The following TAGAP variants were observed in gnomAD, a reference collection of about 807,000 sequenced individuals.
The protein encoded by TAGAP is T cell activation RhoGTPase activating protein.
TAGAP carries 16 observed loss-of-function variants against 36.0 expected under a neutral mutation model. The observed-to-expected ratio is 0.44, with a 90% confidence interval of 0.30 to 0.68. TAGAP has a LOEUF of 0.68. Among genes scored for constraint, TAGAP ranks in the 30% least tolerant of loss-of-function variants. TAGAP has a pLI of 0.09. For missense variants in TAGAP, 794 were observed against 921.5 expected, an observed-to-expected ratio of 0.86 and a Z score of 1.79; for synonymous variants, 372 against 377.4, an observed-to-expected ratio of 0.99 and a Z score of 0.17.
chr6:159,036,433 T>C lies in TAGAP; in HGVS notation c.1590A>G (p.Lys530=). Residue 530 remains lysine (K), a synonymous_variant, in exon 10 of 10, where the codon AAA becomes AAG. Transcript: ENST00000367066. The surrounding 1 kb of genome is among the most constrained non-coding windows in gnomAD (Gnocchi z 4.9). ...LTKNLSAGSG[K]SQDFTRDHVP... ...CGTGGTCCCTGGTAAAGTCTTGCGATTTCCCAGAGCCCGCGCTGAGGTTTT... is the reference window on the plus strand; with the variant it reads ...CGTGGTCCCTGGTAAAGTCTTGCGACTTCCCAGAGCCCGCGCTGAGGTTTT... The C allele has an allele frequency of 6.2e-7, 1 of 1,614,190 alleles. No homozygotes were observed. Among genetic ancestry groups the C allele is most frequent in the Non-Finnish European group, 8.5e-7 (1 of 1,180,026 alleles).
In TAGAP at chr6:159,036,608, G is replaced by A. The variant is rs1376358749; in HGVS notation, c.1415C>T (p.Ser472Leu). Residue 472 changes from serine (S) to leucine (L), a missense_variant, in exon 10 of 10, where the codon TCG becomes TTG. Transcript: ENST00000367066. This position sits in a 1 kb window ranked among gnomAD's most constrained non-coding sequence, Gnocchi z 4.9. Reference protein sequence around the residue: ...SSSLDASSDSSPVASPSSPKR... With the variant: ...SSSLDASSDSLPVASPSSPKR... ...GGGACTGGAAGGAGAAGCCACGGGC[G>A]AGCTGTCAGAGGACGCGTCCAGCGA... The A allele has an allele frequency of 1.2e-6, 2 of 1,614,152 alleles. No homozygotes were observed. Among genetic ancestry groups the A allele is most frequent in the Non-Finnish European group, 1.7e-6 (2 of 1,180,006 alleles).
chr6:159,036,778 A>G lies in TAGAP; in HGVS notation c.1245T>C (p.Ser415=), dbSNP rs1039801560. Residue 415 remains serine (S), a synonymous_variant, in exon 10 of 10, where the codon AGT becomes AGC. Transcript: ENST00000367066. The surrounding 1 kb of genome is among the most constrained non-coding windows in gnomAD (Gnocchi z 4.9). ...PVPRVGSRLE[S]EEAEDPFPEE... ...CTGGAAATGGGTCTTCAGCCTCCTC[A>G]CTTTCCAAACGAGAGCCTACCCGGG... 7 of 1,613,966 alleles carry G rather than the reference A, an allele frequency of 4.3e-6. No individual in the cohort carries two copies. The highest frequency in any genetic ancestry group is 5.9e-6 in the Non-Finnish European group (7 of 1,179,956).
chr6:159,040,671 A>G, intron 7 of TAGAP, 52 bp downstream of exon 7: 1 of 1,417,374 alleles, frequency 7.1e-7, no homozygotes, highest in Non-Finnish European at 1.0e-6. Context: ...GTAAAGAATC[A>G]AAAGACGGAG....
In TAGAP at chr6:159,042,111, G is replaced by C. The variant is rs139997029; in HGVS notation, c.282C>G (p.Cys94Trp). 9 of 1,614,024 alleles carry C rather than the reference G, an allele frequency of 5.6e-6. No individual in the cohort carries two copies. The highest frequency in any genetic ancestry group is 7.6e-6 in the Non-Finnish European group (9 of 1,180,018). Residue 94 changes from cysteine (C) to tryptophan (W), a missense_variant, in exon 5 of 10, where the codon TGC (cysteine) becomes TGG (tryptophan). Cys to Trp is a radical substitution (Grantham distance 215). Transcript: ENST00000367066. ...GTCTGGGGAGTGTGTCACTGTCACC[G>C]CAGATAATTGACAAGGGCTGATCAA... Reference protein sequence around the residue: ...SLFDQPLSIICGDSDTLPRPI... With the variant: ...SLFDQPLSIIWGDSDTLPRPI...
intron 7 of TAGAP, among the ~76,000 whole-genome samples, chr6:159,039,778 C>T (rs767739959): frequency 2.6e-5 from 4 of 152,168 alleles, no homozygotes; most frequent in African/African-American, 7.2e-5. Context: ...TCTGAGAAAG[C>T]TTTATGAAGA....
chr6:159,038,642 G>A (rs1201047494), intron 8 of TAGAP, among the ~76,000 whole-genome samples: 2 of 151,958 alleles, frequency 1.3e-5, no homozygotes, highest in African/African-American at 4.8e-5. Context: ...CGCCTGCCTC[G>A]GCCTCCCAAA....
rs1037199979 is a variant in TAGAP at position 159,042,327 on chromosome 6, T to C, written c.149-83A>G. On this transcript the variant is annotated intron_variant, in intron 4 of 9. Coordinates refer to ENST00000367066, the MANE Select transcript of TAGAP (RefSeq NM_054114.5). ...GATCCAGGTAAGAAAATGGGTATCG[T>C]TGGCCGCATAATGTGGTCAATAGTA... The C allele has an allele frequency of 7.1e-5, 109 of 1,537,914 alleles. No individual in the cohort carries two copies. The African/African-American group carries it at 1.4e-3, about 20-fold the overall frequency.
Position 159,035,994 on chromosome 6 carries a change from C to T in TAGAP, c.2029G>A (p.Gly677Arg). 2 of 1,614,046 alleles carry T rather than the reference C, an allele frequency of 1.2e-6. No individual in the cohort carries two copies. Among genetic ancestry groups the T allele is most frequent in the Non-Finnish European group, 1.7e-6 (2 of 1,179,912 alleles). ...CCAGACACGTGCCCCAGAGAGTCCCCAGAAGCATGGACAGTTCTGCTCTGT... is the reference window on the plus strand; with the variant it reads ...CCAGACACGTGCCCCAGAGAGTCCCTAGAAGCATGGACAGTTCTGCTCTGT... Reference protein sequence around the residue: ...WKQSRTVHASGDSLGHVSGPG... With the variant: ...WKQSRTVHASRDSLGHVSGPG... Residue 677 changes from glycine to arginine, a missense_variant, in exon 10 of 10, where the codon GGG (glycine) becomes AGG (arginine). Gly to Arg is a moderately radical substitution (Grantham distance 125). Transcript: ENST00000367066.
At position 159,036,701 on chromosome 6, in the gene TAGAP, T is replaced by A; in HGVS notation, c.1322A>T (p.Lys441Met). ...CGAACCCGGGGCCAAGTTCTTGATC[T>A]TCAGGTCCACCGGCCTCTTGGTTTT... is the stretch of plus-strand genomic sequence containing the variant. Reference protein sequence around the residue: ...QGKTKRPVDLKIKNLAPGSVL... With the variant: ...QGKTKRPVDLMIKNLAPGSVL... The change falls in exon 10 of 10, where the codon AAG becomes ATG. Residue 441 changes from lysine (K) to methionine (M), a missense_variant. Coordinates refer to ENST00000367066, the MANE Select transcript of TAGAP (RefSeq NM_054114.5). This position sits in a 1 kb window ranked among gnomAD's most constrained non-coding sequence, Gnocchi z 4.9. 2 of 1,614,178 alleles carry A rather than the reference T, an allele frequency of 1.2e-6. No individual in the cohort carries two copies. Among genetic ancestry groups the A allele is most frequent in the South Asian group, 2.2e-5 (2 of 91,082 alleles).
At position 159,036,860 on chromosome 6, in the gene TAGAP, A is replaced by G; in HGVS notation, c.1163T>C (p.Leu388Pro). ...TGTTTGGTTTGTCACCCGGCTCTCG[A>G]GGCACTCCTGGGAGGATGGCATGCT... ...EPSMPSSQEC[L>P]ESRVTNQTLT... is the part of the protein sequence containing the mutation. The change falls in exon 10 of 10, where the codon CTC becomes CCC. Residue 388 changes from leucine (L) to proline (P), a missense_variant. Coordinates refer to ENST00000367066, the MANE Select transcript of TAGAP (RefSeq NM_054114.5). The surrounding 1 kb of genome is among the most constrained non-coding windows in gnomAD (Gnocchi z 4.9). 1 of 1,614,130 alleles carries G rather than the reference A, an allele frequency of 6.2e-7. No individual in the cohort carries two copies. The highest frequency in any genetic ancestry group is 1.1e-5 in the South Asian group (1 of 91,078).
Position 159,041,323 on chromosome 6 carries a change from A to G in TAGAP, c.477+31T>C, listed in dbSNP as rs1779739782. 6.2e-7 allele frequency: 1 copy of G among 1,608,270 alleles called. No homozygotes were observed. Among genetic ancestry groups the G allele is most frequent in the Non-Finnish European group, 8.5e-7 (1 of 1,177,272 alleles). On this transcript the variant is annotated intron_variant, in intron 6 of 9. Transcript: ENST00000367066. This position sits in a 1 kb window ranked among gnomAD's most constrained non-coding sequence, Gnocchi z 4.1. ...AATGAGTGTGTCAGGGCCCCTTGGC[A>G]GGTTATTTGGCGCAAGTGTGTTGAA...
Position 159,041,739 on chromosome 6 carries a change from T to G in TAGAP, c.316-224A>C, listed in dbSNP as rs953941648. On this transcript the variant is annotated intron_variant, in intron 5 of 9. Coordinates refer to ENST00000367066, the MANE Select transcript of TAGAP (RefSeq NM_054114.5). The surrounding 1 kb of genome is among the most constrained non-coding windows in gnomAD (Gnocchi z 4.1). ...CTCTCTCCTTTCAAATACTTCCATA[T>G]GAACATTGGATTTCAGATCACAAAG... 6.4e-5 allele frequency: 36 copies of G among 565,288 alleles called. No individual in the cohort carries two copies. The highest frequency in any genetic ancestry group is 8.6e-5 in the Non-Finnish European group (28 of 326,242). 35.0% of individuals were successfully genotyped at this position (565,288 alleles called of 1,614,324 possible). A position where few individuals can be genotyped will look rare whatever the true frequency, so the allele number is the denominator to read the frequency against.
chr6:159,039,011 T>C, intron 8 of TAGAP, 103 bp downstream of exon 8: 1 of 1,590,284 alleles, frequency 6.3e-7, no homozygotes, highest in Non-Finnish European at 8.6e-7. Flanking sequence ...TCACTGTGAT[T>C]CTGAGTCAGT....
intron 8 of TAGAP, among the ~76,000 whole-genome samples, chr6:159,038,589 C>T (rs981483021): frequency 6.6e-6 from 1 of 151,922 alleles, no homozygotes; most frequent in Non-Finnish European, 1.5e-5. Context: ...GGGGTTTTGT[C>T]ATGTTGCCCA....
At position 159,035,810 on chromosome 6, in the gene TAGAP, G is replaced by A. The variant is rs2235822; in HGVS notation, c.*17C>T. The stretch of plus-strand genomic sequence containing the variant: ...TTACAGATAGCACAAGCTATGGCAT[G>A]GCGTATGGCCTCCCTCCTAAATATA... On this transcript the variant is annotated 3_prime_UTR_variant, in exon 10 of 10. Transcript: ENST00000367066. The A allele has an allele frequency of 0.081, 127,579 of 1,571,948 alleles. 12,490 individuals are homozygous for A. Among genetic ancestry groups the A allele is most frequent in the East Asian group, 0.45 (19,720 of 44,012 alleles).
rs1018779160 is a variant in TAGAP at position 159,034,775 on chromosome 6, A to C, written c.*1052T>G. 2.0e-5 allele frequency: 3 copies of C among 152,200 alleles called. No homozygotes were observed. Among genetic ancestry groups the C allele is most frequent in the African/African-American group, 7.2e-5 (3 of 41,444 alleles). The allele number at this position is 152,200 out of a possible 1,614,324, so 9.4% of individuals were successfully genotyped here. On this transcript the variant is annotated 3_prime_UTR_variant, in exon 10 of 10. Transcript: ENST00000367066. ...TGGCAGAATGACTCCTTGCTGAAAA[A>C]AAATGGCTTAAAGTAGGTGCTTTTT...
rs760383023 is a variant in TAGAP at position 159,036,337 on chromosome 6, G to A, written c.1686C>T (p.His562=). The part of the protein sequence containing the change: ...RIVQENGCET[H]NQTARGFCLR... ...GGCAGAAGCCGCGGGCTGTTTGGTT[G>A]TGGGTTTCACACCCATTTTCCTGCA... The change falls in exon 10 of 10, where the codon CAC becomes CAT. Residue 562 remains histidine (H), a synonymous_variant. Coordinates refer to ENST00000367066, the MANE Select transcript of TAGAP (RefSeq NM_054114.5). This position sits in a 1 kb window ranked among gnomAD's most constrained non-coding sequence, Gnocchi z 4.9. 6.2e-7 allele frequency: 1 copy of A among 1,613,840 alleles called. No individual in the cohort carries two copies. Among genetic ancestry groups the A allele is most frequent in the Non-Finnish European group, 8.5e-7 (1 of 1,179,968 alleles).
At chr6:159,038,717 T>C (rs755215865) in intron 8 of TAGAP, among the ~76,000 whole-genome samples, 7 of 152,180 alleles carry the variant, frequency 4.6e-5, no homozygotes, top group Non-Finnish European at 8.8e-5. Flanking sequence ...AGATACTCCT[T>C]GGTGTTTTGA....
chr6:159,044,091 G>C, intron 2 of TAGAP, 29 bp downstream of exon 2: 1 of 1,613,564 alleles, frequency 6.2e-7, no homozygotes, highest in Non-Finnish European at 8.5e-7. Context: ...TAGGAAACGT[G>C]AATGAATGAA....
Sources: gnomAD v4.1 joint callset for allele counts (sites outside exome capture counted in the v4.1 genomes callset) on GRCh38, gnomAD v4.1.1 for gene constraint, Gnocchi (gnomAD v3.1) non-coding constraint, MANE v1.5 for transcripts, NCBI Gene and HGNC (gene_info 2026-07-23, HGNC 2026-07-21) for gene names.